HPGD: variants seen among roughly 807,000 people sequenced by gnomAD.
The protein encoded by HPGD is 15-hydroxyprostaglandin dehydrogenase, also known as 15-hydroxyprostaglandin dehydrogenase [NAD(+)].
HPGD carries 29 observed loss-of-function variants against 30.0 expected under a neutral mutation model. The ratio of observed to expected loss-of-function variants is 0.97; its 90% confidence interval spans 0.72 to 1.32. HPGD has a LOEUF of 1.32. Among genes scored for constraint, HPGD ranks in the 40% most tolerant of loss-of-function variants. The pLI is 0.00. For synonymous variants in HPGD, 99 were observed against 112.4 expected (o/e 0.88, Z 0.75); for missense variants, 340 against 322.1 (o/e 1.06, Z -0.43).
rs536818204 is a variant in HPGD at position 174,522,360 on chromosome 4, T to C, written c.92A>G (p.Lys31Arg). 1.9e-5 allele frequency: 30 copies of C among 1,560,708 alleles called. No individual in the cohort carries two copies. The highest frequency in any genetic ancestry group is 3.9e-4 in the Middle Eastern group (2 of 5,136). ...FAEALLLKGA[K>R]VALVDWNLEA... Reference sequence around the variant, plus strand: ...TCCGCGGCTGGGCGCCGGGCTTACCTTGGCGCCCTTAAGCAGCAGCGCCTC... The same window carrying C: ...TCCGCGGCTGGGCGCCGGGCTTACCCTGGCGCCCTTAAGCAGCAGCGCCTC... Residue 31 changes from lysine (K) to arginine (R), a missense_variant and splice_region_variant, in exon 1 of 7, where the codon AAG becomes AGG. Physicochemically the swap from Lys to Arg is conservative, Grantham distance 26. Coordinates refer to ENST00000296522, the MANE Select transcript of HPGD (RefSeq NM_000860.6).
intron 2 of HPGD, among the ~76,000 whole-genome samples, chr4:174,519,682 C>T (rs535549015): frequency 6.6e-6 from 1 of 152,146 alleles, no homozygotes; most frequent in Non-Finnish European, 1.5e-5. Context: ...CCACTGAGCA[C>T]CTTGTGACCC....
At chr4:174,510,131 T>TTACACATGTA (rs1213838229) in intron 3 of HPGD, among the ~76,000 whole-genome samples, 2 of 152,202 alleles carry the variant, frequency 1.3e-5, no homozygotes, top group African/African-American at 4.8e-5. Flanking sequence ...CACATGTACT[T>TTACACATGTA]ACCTTCTTTT....
At chr4:174,518,101 T>C (rs1290444541) in intron 2 of HPGD, 24 bp from the exon 3 acceptor site, 2 of 1,085,156 alleles carry the variant, frequency 1.8e-6, no homozygotes, top group Admixed American at 1.7e-5. Flanking sequence ...AAGATATTAG[T>C]GATACATTCT....
upstream of HPGD, chr4:174,522,855 C>G (rs1346271): frequency 0.31 from 52,004 of 168,490 alleles, 8,941 homozygotes; most frequent in East Asian, 0.4. Context: ...TCCTGCACTC[C>G]CTCCCGGCCC....
At chr4:174,502,431 C>A (rs1336832855) in intron 4 of HPGD, among the ~76,000 whole-genome samples, 3 of 152,006 alleles carry the variant, frequency 2.0e-5, no homozygotes, top group Admixed American at 1.3e-4. Context: ...GTAATCCCAG[C>A]ACTTTGGGAG....
At chr4:174,515,572 A>G (rs1298225375) in intron 3 of HPGD, among the ~76,000 whole-genome samples, 2 of 151,918 alleles carry the variant, frequency 1.3e-5, no homozygotes, top group Non-Finnish European at 2.9e-5. Flanking sequence ...CATGGCAAAG[A>G]TCTCATGATG....
rs1411306140 is a variant in HPGD at position 174,490,314 on chromosome 4, T to C, written c.*1642A>G. On this transcript the variant is annotated 3_prime_UTR_variant, in exon 7 of 7. Transcript: ENST00000296522. This position sits in a 1 kb window ranked among gnomAD's most constrained non-coding sequence, Gnocchi z 4.4. ...TTTTTAACTTATGTAACTCACATTT[T>C]TCAATTCTACTTGATATTTGATTTT... 4 of 152,350 alleles carry C rather than the reference T, an allele frequency of 2.6e-5. No individual in the cohort carries two copies. The highest frequency in any genetic ancestry group is 4.4e-5 in the Non-Finnish European group (3 of 68,040). 9.4% of individuals were successfully genotyped at this position (152,350 alleles called of 1,614,324 possible). A position where few individuals can be genotyped will look rare whatever the true frequency, so the allele number is the denominator to read the frequency against.
intron 3 of HPGD, 96 bp downstream of exon 3, chr4:174,517,875 A>G: frequency 1.5e-6 from 1 of 686,726 alleles, no homozygotes; most frequent in Non-Finnish European, 2.6e-6. Flanking sequence ...ATTGTAGGTC[A>G]TTGTTTTGTT....
chr4:174,509,447 A>T (rs1419101281), intron 3 of HPGD, among the ~76,000 whole-genome samples: 2 of 152,156 alleles, frequency 1.3e-5, no homozygotes, highest in Non-Finnish European at 2.9e-5. Context: ...CCAGCAGGTG[A>T]CCCAGTTTTG....
rs1459217729 is a variant in HPGD at position 174,516,231 on chromosome 4, G to T, written c.324+1740C>A. Among the ~76,000 whole-genome samples the T allele has an allele frequency of 3.3e-5, 5 of 152,018 alleles. No homozygotes were observed. In the East Asian group the frequency reaches 5.8e-4, roughly 18 times the overall value. ...AACACTATTCACAATAGCAAAGACG[G>T]AATCAACCTAGATGCCCATCAACGG... is the stretch of plus-strand genomic sequence containing the variant. On this transcript the variant is annotated intron_variant, in intron 3 of 6. Transcript: ENST00000296522.
chr4:174,502,968 A>G (rs1165208815), intron 4 of HPGD, among the ~76,000 whole-genome samples: 3 of 152,162 alleles, frequency 2.0e-5, no homozygotes, highest in Admixed American at 2.0e-4. Context: ...TCCTATCGAA[A>G]TCAGAATCTG....
At position 174,496,316 on chromosome 4, in the gene HPGD, T is replaced by C. The variant is rs373523275; in HGVS notation, c.422-692A>G. Among the ~76,000 whole-genome samples the C allele has an allele frequency of 1.4e-4, 22 of 152,324 alleles. No individual in the cohort carries two copies. Among genetic ancestry groups the C allele is most frequent in the Admixed American group, 1.0e-3 (16 of 15,308 alleles). ...CAATCAATTACAGAATGTTTTATTT[T>C]GTAATTTTCCACATATGCACAACAG... On this transcript the variant is annotated intron_variant, in intron 4 of 6. Transcript: ENST00000296522. This position sits in a 1 kb window ranked among gnomAD's most constrained non-coding sequence, Gnocchi z 4.6.
intron 4 of HPGD, among the ~76,000 whole-genome samples, chr4:174,503,262 T>C (rs559799584): frequency 6.6e-6 from 1 of 152,236 alleles, no homozygotes; most frequent in South Asian, 2.1e-4. Flanking sequence ...CTCATGGCAG[T>C]TGGCATCTGA....
intron 4 of HPGD, among the ~76,000 whole-genome samples, chr4:174,501,074 A>G (rs541778340): frequency 6.6e-6 from 1 of 152,304 alleles, no homozygotes; most frequent in African/African-American, 2.4e-5. Context: ...CATAAGAACT[A>G]TGTGTTTAGT....
At chr4:174,511,799 A>G (rs1294016744) in intron 3 of HPGD, among the ~76,000 whole-genome samples, 4 of 152,102 alleles carry the variant, frequency 2.6e-5, no homozygotes, top group Non-Finnish European at 1.5e-5. Flanking sequence ...GGCGTCCGCC[A>G]CCACGCCCGG....
At chr4:174,502,677 C>CA (rs10694450) in intron 4 of HPGD, among the ~76,000 whole-genome samples, 12,266 of 98,702 alleles carry the variant, frequency 0.12, 1,474 homozygotes, top group African/African-American at 0.29. Flanking sequence ...GACTCCGTCT[C>CA]AAAAAAAAAA....
chr4:174,516,979 T>C (rs1735810983), intron 3 of HPGD, among the ~76,000 whole-genome samples: 2 of 152,174 alleles, frequency 1.3e-5, no homozygotes, highest in Admixed American at 6.5e-5. Flanking sequence ...GAGGATATCA[T>C]GAAGTAGGAG....
At chr4:174,502,917 A>G (rs1286040722) in intron 4 of HPGD, among the ~76,000 whole-genome samples, 1 of 152,108 alleles carries the variant, frequency 6.6e-6, no homozygotes, top group Non-Finnish European at 1.5e-5. Flanking sequence ...TGGTTCAAGG[A>G]GCGGTATCAC....
At chr4:174,519,250 G>A (rs1227662925) in intron 2 of HPGD, among the ~76,000 whole-genome samples, 1 of 141,906 alleles carries the variant, frequency 7.0e-6, no homozygotes. Flanking sequence ...GCCTCGTTCT[G>A]TCCCCCAGGC....
Sources: allele counts gnomAD v4.1 joint callset (sites outside exome capture counted in the v4.1 genomes callset), GRCh38; gene constraint gnomAD v4.1.1; non-coding constraint Gnocchi (gnomAD v3.1); transcripts MANE v1.5; gene names NCBI Gene and HGNC (gene_info 2026-07-23, HGNC 2026-07-21).